Variants in RIGI observed in about 807,000 individuals in gnomAD.
RIGI encodes antiviral innate immune response receptor RIG-I.
chr9:32,481,189 C>T, the RIGI span: 2 of 680,952 alleles, frequency 2.9e-6, no homozygotes, highest in Non-Finnish European at 2.4e-6. Flanking sequence ...AATGGGACAA[C>T]TTTTGGAGTT....
At chr9:32,500,765 G>A in the RIGI span, 2 of 1,597,502 alleles carry the variant, frequency 1.3e-6, no homozygotes, top group East Asian at 2.2e-5. Flanking sequence ...AAGCAGCAAA[G>A]TAATATCCTC....
chr9:32,489,237 A>G, the RIGI span: 9 of 694,316 alleles, frequency 1.3e-5, no homozygotes, highest in East Asian at 2.2e-4. Flanking sequence ...CAAAAGACAC[A>G]TGGAACAAGG....
the RIGI span, among the ~76,000 whole-genome samples, chr9:32,519,131 C>T: frequency 6.6e-6 from 1 of 152,178 alleles, no homozygotes; most frequent in Non-Finnish European, 1.5e-5. Flanking sequence ...AACACTATAG[C>T]CTCCAAGTTA....
chr9:32,459,249 T>A, the RIGI span: 5 of 1,207,616 alleles, frequency 4.1e-6, no homozygotes, highest in South Asian at 7.1e-5. Context: ...TTTTTTTAAA[T>A]ACACAGATCA....
chr9:32,517,709 G>T, the RIGI span, among the ~76,000 whole-genome samples: 1 of 152,176 alleles, frequency 6.6e-6, no homozygotes, highest in African/African-American at 2.4e-5. Flanking sequence ...ATTTAATGCT[G>T]TTAGTTTAAT....
the RIGI span, among the ~76,000 whole-genome samples, chr9:32,510,676 C>G: frequency 6.6e-6 from 1 of 152,166 alleles, no homozygotes; most frequent in East Asian, 1.9e-4. Flanking sequence ...GAAACTGCAT[C>G]AACTAACAGG....
At chr9:32,507,672 G>A in the RIGI span, among the ~76,000 whole-genome samples, 2 of 151,406 alleles carry the variant, frequency 1.3e-5, no homozygotes, top group South Asian at 2.1e-4. Flanking sequence ...ATGAGACAGG[G>A]TCTTGTTCCA....
At chr9:32,500,461 ATACAT>A in the RIGI span, among the ~76,000 whole-genome samples, 5 of 152,196 alleles carry the variant, frequency 3.3e-5, no homozygotes, top group Non-Finnish European at 4.4e-5. Context: ...TTATTCCTAA[ATACAT>A]TACAATTGTT....
chr9:32,480,088 A>G, the RIGI span: 11 of 948,472 alleles, frequency 1.2e-5, no homozygotes, highest in African/African-American at 3.3e-5. Context: ...TACCATCTCC[A>G]TCTTCCTACA....
chr9:32,487,419 A>C, the RIGI span: 12 of 1,554,886 alleles, frequency 7.7e-6, no homozygotes, highest in Non-Finnish European at 9.7e-6. Flanking sequence ...TCTGAACTAG[A>C]GGTAGTAGAG....
At chr9:32,521,154 A>AAAAAAAAAAAAAAAAAAAAAAT in the RIGI span, among the ~76,000 whole-genome samples, 1 of 150,514 alleles carries the variant, frequency 6.6e-6, no homozygotes, top group Non-Finnish European at 1.5e-5. Flanking sequence ...AAAAAAAAAA[A>AAAAAAAAAAAAAAAAAAAAAAT]AAAAAAAACT....
chr9:32,476,509 TG>T, the RIGI span, among the ~76,000 whole-genome samples: 2 of 150,988 alleles, frequency 1.3e-5, no homozygotes, highest in Admixed American at 6.6e-5. Flanking sequence ...CGTCTCTAAG[TG>T]GGGGAAAAAA....
At chr9:32,472,867 CAG>C in the RIGI span, 48 of 567,476 alleles carry the variant, frequency 8.5e-5, no homozygotes, top group Middle Eastern at 6.2e-4. Context: ...TATATTAAAA[CAG>C]AATTTGAAAT....
At chr9:32,495,596 T>C in the RIGI span, among the ~76,000 whole-genome samples, 1 of 152,182 alleles carries the variant, frequency 6.6e-6, no homozygotes, top group Non-Finnish European at 1.5e-5. Context: ...TTGAATATCT[T>C]TCCATATGCT....
At chr9:32,496,200 T>C in the RIGI span, among the ~76,000 whole-genome samples, 1 of 152,208 alleles carries the variant, frequency 6.6e-6, no homozygotes, top group Non-Finnish European at 1.5e-5. Flanking sequence ...TGCTTTCTTC[T>C]AGGAGTTTTA....
chr9:32,526,177 G>A, the RIGI span: 4 of 1,607,906 alleles, frequency 2.5e-6, no homozygotes, highest in African/African-American at 1.3e-5. Flanking sequence ...GCCGGCCTCT[G>A]CTTGCAGCTA....
the RIGI span, among the ~76,000 whole-genome samples, chr9:32,501,789 T>C: frequency 6.6e-6 from 1 of 152,144 alleles, no homozygotes; most frequent in African/African-American, 2.4e-5. Context: ...TAGCACGTAA[T>C]AGACAATAAA....
the RIGI span, among the ~76,000 whole-genome samples, chr9:32,463,750 G>C: frequency 6.6e-6 from 1 of 151,890 alleles, no homozygotes; most frequent in African/African-American, 2.4e-5. Flanking sequence ...CTGAGGTGGA[G>C]AAAAGCAAAC....
chr9:32,498,230 G>A, the RIGI span: 1 of 455,236 alleles, frequency 2.2e-6, no homozygotes, highest in Non-Finnish European at 4.4e-6. Flanking sequence ...TCTGACATCA[G>A]AGGGCCAAAA....
Sources: gnomAD v4.1 joint callset for allele counts (sites outside exome capture counted in the v4.1 genomes callset) on GRCh38, gnomAD v4.1.1 for gene constraint, MANE v1.5 for transcripts, NCBI Gene and HGNC (gene_info 2026-07-23, HGNC 2026-07-21) for gene names.